PLCL1: variants seen among roughly 807,000 people sequenced by gnomAD.
The protein encoded by PLCL1 is phospholipase C like 1 (inactive), also known as inactive phospholipase C-like protein 1.
PLCL1 carries 41 observed loss-of-function variants against 84.4 expected under a neutral mutation model. The observed-to-expected ratio is 0.49, with a 90% confidence interval of 0.38 to 0.63. The LOEUF (loss-of-function observed/expected upper bound fraction) is 0.63, where lower values mean the gene tolerates loss of function less well. Ranked by LOEUF, PLCL1 falls within the 30% of genes least tolerant of loss-of-function variation. The probability of loss-of-function intolerance (pLI) is 0.00; values close to 1 mark genes in which losing one functional copy is unlikely to be tolerated. For missense variants in PLCL1, 1,206 were observed against 1,367.8 expected, an observed-to-expected ratio of 0.88 and a Z score of 1.87; for synonymous variants, 490 against 488.3, an observed-to-expected ratio of 1.00 and a Z score of -0.05.
Position 198,089,012 on chromosome 2 carries a change from T to C in PLCL1, c.2870T>C (p.Leu957Pro). Residue 957 changes from leucine to proline, a missense_variant, in exon 3 of 6, where the codon CTG becomes CCG. Coordinates refer to ENST00000428675, the MANE Select transcript of PLCL1 (RefSeq NM_006226.4). ...GACAGCTTTCCTTACCTGGAGCCTCTGGGTGCAATTCCAGATGTGCAGAAA... is the reference window on the plus strand; with the variant it reads ...GACAGCTTTCCTTACCTGGAGCCTCCGGGTGCAATTCCAGATGTGCAGAAA... ...MKDSFPYLEP[L>P]GAIPDVQKKM... The C allele has an allele frequency of 1.9e-6, 3 of 1,614,060 alleles. No individual in the cohort carries two copies. Among genetic ancestry groups the C allele is most frequent in the Non-Finnish European group, 2.5e-6 (3 of 1,179,880 alleles).
At chr2:197,911,359 T>A (rs1688480990) in intron 1 of PLCL1, among the ~76,000 whole-genome samples, 1 of 151,680 alleles carries the variant, frequency 6.6e-6, no homozygotes. Context: ...AATAAATAAA[T>A]AAAATAAAAA....
In PLCL1 at chr2:198,148,758, T is replaced by G. The variant is rs1694583852; in HGVS notation, c.*1796T>G. ...GATTGGTTGATTTTACTAGTGTACCTCTTCATCTACTTGAATTCTATTTGG... is the reference window on the plus strand; with the variant it reads ...GATTGGTTGATTTTACTAGTGTACCGCTTCATCTACTTGAATTCTATTTGG... On this transcript the variant is annotated 3_prime_UTR_variant, in exon 6 of 6. Transcript: ENST00000428675. The G allele has an allele frequency of 6.6e-6, 1 of 152,320 alleles. No homozygotes were observed. 9.4% of individuals were successfully genotyped at this position (152,320 alleles called of 1,614,324 possible). A position where few individuals can be genotyped will look rare whatever the true frequency, so the allele number is the denominator to read the frequency against.
chr2:197,949,818 C>A (rs957284798), intron 1 of PLCL1, among the ~76,000 whole-genome samples: 4 of 152,058 alleles, frequency 2.6e-5, no homozygotes, highest in Non-Finnish European at 4.4e-5. Flanking sequence ...CTTATGCTTC[C>A]CTTTAAATAA....
intron 1 of PLCL1, among the ~76,000 whole-genome samples, chr2:197,838,563 A>C (rs1691235500): frequency 6.6e-6 from 1 of 152,226 alleles, no homozygotes; most frequent in South Asian, 2.1e-4. Context: ...TTCTTTTAGA[A>C]AAAAAATCAT....
At chr2:197,847,241 CT>C (rs1687136010) in intron 1 of PLCL1, among the ~76,000 whole-genome samples, 1 of 152,018 alleles carries the variant, frequency 6.6e-6, no homozygotes. Context: ...TTCAAGTTAG[CT>C]TATTTTTAAT....
chr2:197,945,180 T>C (rs1299458967), intron 1 of PLCL1, among the ~76,000 whole-genome samples: 1 of 152,236 alleles, frequency 6.6e-6, no homozygotes, highest in Non-Finnish European at 1.5e-5. Context: ...CTTTGTAATA[T>C]ACACATTTCA....
intron 5 of PLCL1, among the ~76,000 whole-genome samples, chr2:198,121,391 G>A (rs1177617365): frequency 2.6e-5 from 4 of 152,062 alleles, no homozygotes; most frequent in African/African-American, 9.7e-5. Flanking sequence ...CATTTCCCCA[G>A]ACAAATGTTC....
intron 1 of PLCL1, among the ~76,000 whole-genome samples, chr2:197,985,279 C>A (rs570312170): frequency 3.9e-5 from 6 of 152,298 alleles, no homozygotes; most frequent in African/African-American, 1.4e-4. Flanking sequence ...AACCACCTCA[C>A]AGGGTAGCTT....
chr2:197,938,001 T>A (rs976178393), intron 1 of PLCL1, among the ~76,000 whole-genome samples: 1 of 152,176 alleles, frequency 6.6e-6, no homozygotes, highest in East Asian at 1.9e-4. Context: ...TGGAGATGAA[T>A]AGAGAAGTTA....
intron 1 of PLCL1, among the ~76,000 whole-genome samples, chr2:197,964,685 G>GT (rs1229950537): frequency 2.0e-5 from 3 of 151,922 alleles, no homozygotes; most frequent in Non-Finnish European, 2.9e-5. Context: ...AAGGCTTTCA[G>GT]TTTTTTTGCT....
chr2:198,029,886 G>C (rs77886530), intron 1 of PLCL1, among the ~76,000 whole-genome samples: 1 of 120,786 alleles, frequency 8.3e-6, no homozygotes, highest in East Asian at 2.8e-4. Context: ...TTTCAGTAGA[G>C]ACGGGGTTTC....
At chr2:198,009,613 A>T (rs1165960099) in intron 1 of PLCL1, among the ~76,000 whole-genome samples, 3 of 152,042 alleles carry the variant, frequency 2.0e-5, no homozygotes, top group African/African-American at 7.2e-5. Context: ...GAAATCAAGA[A>T]GTGTGATGCC....
At chr2:197,907,251 T>C (rs771858418) in intron 1 of PLCL1, among the ~76,000 whole-genome samples, 9 of 152,098 alleles carry the variant, frequency 5.9e-5, no homozygotes, top group Non-Finnish European at 1.2e-4. Context: ...TTCTTTCTTT[T>C]TTTTTTTGAC....
chr2:198,050,942 A>C (rs902595602), intron 1 of PLCL1, among the ~76,000 whole-genome samples: 2 of 152,234 alleles, frequency 1.3e-5, no homozygotes, highest in Non-Finnish European at 2.9e-5. Flanking sequence ...GGGTTTCCGC[A>C]AATGGTCATA....
At chr2:197,940,804 A>G (rs773583088) in intron 1 of PLCL1, among the ~76,000 whole-genome samples, 1 of 152,200 alleles carries the variant, frequency 6.6e-6, no homozygotes, top group Non-Finnish European at 1.5e-5. Context: ...TTTAGTTTCA[A>G]TCTTTTTGGA....
At chr2:198,086,724 T>G (rs1257963474) in intron 2 of PLCL1, among the ~76,000 whole-genome samples, 1 of 152,238 alleles carries the variant, frequency 6.6e-6, no homozygotes, top group Non-Finnish European at 1.5e-5. Flanking sequence ...TAACTGTGAA[T>G]GCTATGTTAA....
intron 1 of PLCL1, among the ~76,000 whole-genome samples, chr2:197,859,497 A>G (rs1687390393): frequency 1.3e-5 from 2 of 152,134 alleles, no homozygotes; most frequent in Non-Finnish European, 2.9e-5. Flanking sequence ...TTTTCAGTTT[A>G]TATCTGTGAA....
chr2:197,810,907 G>A (rs185293921), intron 1 of PLCL1, among the ~76,000 whole-genome samples: 2 of 149,940 alleles, frequency 1.3e-5, no homozygotes, highest in East Asian at 1.9e-4. Flanking sequence ...ACCAGACAGA[G>A]CTAAGAGGCA....
chr2:198,000,780 A>T (rs774197994), intron 1 of PLCL1, among the ~76,000 whole-genome samples: 1 of 151,526 alleles, frequency 6.6e-6, no homozygotes, highest in African/African-American at 2.4e-5. Context: ...GAAAGGAACT[A>T]TTCAAACTTT....
Sources: allele counts gnomAD v4.1 joint callset (sites outside exome capture counted in the v4.1 genomes callset), GRCh38; gene constraint gnomAD v4.1.1; transcripts MANE v1.5; gene names NCBI Gene and HGNC (gene_info 2026-07-23, HGNC 2026-07-21).